Variants in DIAPH2 observed in about 807,000 individuals in gnomAD.
DIAPH2 encodes diaphanous related formin 2, also known as protein diaphanous homolog 2.
A neutral mutation model predicts 92.7 loss-of-function variants in DIAPH2; 35 were observed. The observed-to-expected ratio is 0.38, with a 90% CI of 0.29 to 0.50. The LOEUF (loss-of-function observed/expected upper bound fraction) is 0.50, where lower values mean the gene tolerates loss of function less well. Among genes scored for constraint, DIAPH2 ranks in the 20% least tolerant of loss-of-function variants. DIAPH2 has a pLI of 0.94. For synonymous variants in DIAPH2, 301 were observed against 280.4 expected, an observed-to-expected ratio of 1.07 and a Z score of -0.73; for missense variants, 701 against 819.5, an observed-to-expected ratio of 0.86 and a Z score of 1.77.
rs764319607 is a variant in DIAPH2, at chrX:96,903,790, G to C, written c.588-8538G>C. Among the ~76,000 whole-genome samples, 11 of 111,780 alleles carry C rather than the reference G, an allele frequency of 9.8e-5. No homozygotes were observed. In the East Asian group the frequency reaches 2.8e-3, roughly 29 times the overall value. The stretch of plus-strand genomic sequence containing the variant: ...GGTGGGGAGGAAAATATTCTTGATT[G>C]TTAGCCTGTTAGGCATTCAGATAGA... On this transcript the variant is annotated intron_variant, in intron 5 of 26. Transcript: ENST00000324765.
chrX:97,172,656 T>C (rs1011035223), intron 22 of DIAPH2, among the ~76,000 whole-genome samples: 1 of 112,400 alleles, frequency 8.9e-6, no homozygotes, highest in Non-Finnish European at 1.9e-5. Flanking sequence ...AAATTTTCTT[T>C]ACATTTTAGA....
At chrX:96,975,367 A>G (rs2065953994) in intron 17 of DIAPH2, among the ~76,000 whole-genome samples, 1 of 111,913 alleles carries the variant, frequency 8.9e-6, no homozygotes, top group African/African-American at 3.2e-5. Flanking sequence ...TGCCTTCATA[A>G]TATAGAAATT....
chrX:97,445,933 C>T (rs1025702678), intron 26 of DIAPH2, among the ~76,000 whole-genome samples: 2 of 108,342 alleles, frequency 1.8e-5, no homozygotes, highest in African/African-American at 3.4e-5. Flanking sequence ...CCAAGAGCGA[C>T]GATACACATT....
At chrX:96,824,985 C>G (rs1166172547) in intron 4 of DIAPH2, among the ~76,000 whole-genome samples, 1 of 106,256 alleles carries the variant, frequency 9.4e-6, no homozygotes, top group African/African-American at 3.4e-5. Flanking sequence ...TCACTCTGTC[C>G]CTGAGGCTGG....
At chrX:97,120,441 G>A (rs967600991) in intron 21 of DIAPH2, among the ~76,000 whole-genome samples, 4 of 109,628 alleles carry the variant, frequency 3.6e-5, no homozygotes, top group East Asian at 2.9e-4. Flanking sequence ...GGGTCCTCTC[G>A]GGATTCCTGG....
intron 4 of DIAPH2, among the ~76,000 whole-genome samples, chrX:96,788,694 A>G (rs1160422974): frequency 1.8e-5 from 2 of 112,312 alleles, no homozygotes; most frequent in Admixed American, 1.9e-4. Flanking sequence ...ATAATTTGTT[A>G]CTGTGTGCAT....
intron 4 of DIAPH2, among the ~76,000 whole-genome samples, chrX:96,842,611 G>C (rs977905293): frequency 8.9e-6 from 1 of 111,946 alleles, no homozygotes; most frequent in Admixed American, 9.5e-5. Flanking sequence ...ATTTCATTTA[G>C]TATTGTCAAT....
intron 26 of DIAPH2, among the ~76,000 whole-genome samples, chrX:97,532,281 G>C (rs761360732): frequency 8.8e-6 from 1 of 113,012 alleles, no homozygotes; most frequent in Admixed American, 9.3e-5. Flanking sequence ...ACTATTACTG[G>C]TGTCACAGAT....
intron 24 of DIAPH2, among the ~76,000 whole-genome samples, chrX:97,379,735 A>G (rs778602874): frequency 1.8e-5 from 2 of 112,029 alleles, no homozygotes; most frequent in African/African-American, 6.5e-5. Context: ...TCTCTGGAAT[A>G]GGAAGCCATT....
At chrX:97,184,656 T>C (rs979217774) in intron 22 of DIAPH2, among the ~76,000 whole-genome samples, 3 of 111,558 alleles carry the variant, frequency 2.7e-5, no homozygotes, top group African/African-American at 9.8e-5. Context: ...AGACCAATCA[T>C]TGTGATTGGC....
Position 97,287,575 on chromosome X carries a change from T to G in DIAPH2, c.2844+39736T>G, listed in dbSNP as rs1002772516. Among the ~76,000 whole-genome samples, 2 of 109,963 alleles carry G rather than the reference T, an allele frequency of 1.8e-5. 1 individual carries two copies. Among genetic ancestry groups the G allele is most frequent in the Admixed American group, 2.0e-4 (2 of 10,121 alleles). On this transcript the variant is annotated intron_variant, in intron 23 of 26. Transcript: ENST00000324765. ...ATGTACTTTGTAGTGATTTTAGGTA[T>G]GGGTGTTGGGTGCTTTCATTTGTCA...
intron 4 of DIAPH2, among the ~76,000 whole-genome samples, chrX:96,786,787 G>A (rs1180947175): frequency 9.0e-6 from 1 of 111,668 alleles, no homozygotes; most frequent in Admixed American, 9.5e-5. Context: ...AATTCAAAAG[G>A]TAAGGGAGAA....
intron 17 of DIAPH2, among the ~76,000 whole-genome samples, chrX:97,068,689 A>C (rs1979288277): frequency 8.9e-6 from 1 of 112,173 alleles, no homozygotes; most frequent in Admixed American, 9.5e-5. Context: ...CCAATATGTT[A>C]AAAAATTATT....
Position 97,175,938 on chromosome X carries a change from CATTT to C in DIAPH2, c.2719+34147_2719+34150del, listed in dbSNP as rs777544729. 2.0e-3 allele frequency among the ~76,000 whole-genome samples: 227 copies of C among 112,194 alleles called. 2 individuals carry two copies. Among genetic ancestry groups the C allele is most frequent in the African/African-American group, 7.0e-3 (218 of 30,977 alleles). ...TCTTCTTTGGTGTTTATTTGTGAAT[CATTT>C]ATCTACTTTATAGAACAATTGGTAG... On this transcript the variant is annotated intron_variant, in intron 22 of 26. Coordinates refer to ENST00000324765, the MANE Select transcript of DIAPH2 (RefSeq NM_006729.5).
chrX:97,514,532 G>C (rs1320362692), intron 26 of DIAPH2, among the ~76,000 whole-genome samples: 1 of 112,244 alleles, frequency 8.9e-6, no homozygotes, highest in African/African-American at 3.3e-5. Flanking sequence ...TCTCCGTCCA[G>C]CTTTGTTCCG....
intron 17 of DIAPH2, among the ~76,000 whole-genome samples, chrX:96,973,184 G>C (rs896864996): frequency 9.0e-6 from 1 of 111,667 alleles, no homozygotes; most frequent in African/African-American, 3.3e-5. Flanking sequence ...GCCATGGACA[G>C]AAAATATTTG....
intron 1 of DIAPH2, among the ~76,000 whole-genome samples, chrX:96,727,915 G>A (rs1000273388): frequency 1.8e-5 from 2 of 108,126 alleles, no homozygotes; most frequent in African/African-American, 6.7e-5. Context: ...GCATGATGGC[G>A]GGCACCTGTA....
At chrX:97,389,111 C>A (rs2069629288) in intron 25 of DIAPH2, among the ~76,000 whole-genome samples, 1 of 110,744 alleles carries the variant, frequency 9.0e-6, no homozygotes, top group Non-Finnish European at 1.9e-5. Flanking sequence ...TCGGGGCCTC[C>A]AGGAGTCCCC....
chrX:97,183,761 T>G (rs763070843), intron 22 of DIAPH2, among the ~76,000 whole-genome samples: 42 of 112,241 alleles, frequency 3.7e-4, no homozygotes, highest in Admixed American at 1.9e-4. Flanking sequence ...ATAGTGCTAT[T>G]TTGTTTTACA....
Sources: allele counts gnomAD v4.1 joint callset (sites outside exome capture counted in the v4.1 genomes callset), GRCh38; gene constraint gnomAD v4.1.1; transcripts MANE v1.5; gene names NCBI Gene and HGNC (gene_info 2026-07-23, HGNC 2026-07-21).